Variants in CFAP77 observed in about 807,000 individuals in gnomAD.
CFAP77 encodes the protein cilia and flagella associated protein 77, also known as cilia- and flagella-associated protein 77.
Under a neutral mutation model 31.1 loss-of-function variants are expected in CFAP77, and 25 were observed. That is an observed-to-expected ratio of 0.80 (90% CI 0.59 to 1.12). The LOEUF is 1.12. Among genes scored for constraint, CFAP77 ranks in the 50% most tolerant of loss-of-function variants. The pLI, the probability that CFAP77 is intolerant of heterozygous loss-of-function variation, is 0.00. For missense variants in CFAP77, 377 were observed against 397.3 expected, an observed-to-expected ratio of 0.95 and a Z score of 0.44; for synonymous variants, 151 against 159.9, an observed-to-expected ratio of 0.94 and a Z score of 0.42.
chr9:132,534,732 G>A (rs1331781118), intron 3 of CFAP77, among the ~76,000 whole-genome samples: 1 of 152,060 alleles, frequency 6.6e-6, no homozygotes, highest in East Asian at 1.9e-4. Flanking sequence ...TGATTTTGTG[G>A]CCCAGCAACC....
intron 1 of CFAP77, among the ~76,000 whole-genome samples, chr9:132,425,089 C>T (rs1850290611): frequency 6.6e-6 from 1 of 152,208 alleles, no homozygotes; most frequent in Admixed American, 6.5e-5. Flanking sequence ...TGGCCTAACT[C>T]ATTACCCTGC....
At chr9:132,417,339 C>A (rs913596927) in intron 1 of CFAP77, among the ~76,000 whole-genome samples, 4 of 152,114 alleles carry the variant, frequency 2.6e-5, no homozygotes, top group Non-Finnish European at 5.9e-5. Flanking sequence ...GGTTTCAAAC[C>A]CCTGACCTCG....
At chr9:132,419,382 C>T (rs150468232) in intron 1 of CFAP77, among the ~76,000 whole-genome samples, 174 of 152,300 alleles carry the variant, frequency 1.1e-3, no homozygotes, top group African/African-American at 3.1e-3. Context: ...AATAGCACAG[C>T]GTCTAAGCTG....
At chr9:132,520,637 T>G (rs1474205156) in intron 3 of CFAP77, among the ~76,000 whole-genome samples, 2 of 152,182 alleles carry the variant, frequency 1.3e-5, no homozygotes, top group Non-Finnish European at 2.9e-5. Context: ...AATAAATAAA[T>G]TAATTAAAAG....
intron 3 of CFAP77, among the ~76,000 whole-genome samples, chr9:132,529,507 T>TAAAAAAAAAAAAAAAAA (rs750691279): frequency 3.7e-5 from 4 of 108,820 alleles, no homozygotes; most frequent in African/African-American, 1.3e-4. Context: ...TAGAGTATAA[T>TAAAAAAAAAAAAAAAAA]AAAAAAAAAA....
rs147142241 is a variant in CFAP77, at chr9:132,444,300, AG to A, written c.195+33837del. 9.2e-5 allele frequency among the ~76,000 whole-genome samples: 14 copies of A among 152,376 alleles called. No individual in the cohort carries two copies. The East Asian group carries it at 2.3e-3, about 25-fold the overall frequency. ...ACCTAGAGCCACCTGCGGCATTGCC[AG>A]GGAGACAAATGCCACATCTGGAAAG... On this transcript the variant is annotated intron_variant, in intron 1 of 5. Coordinates refer to ENST00000393216, the MANE Select transcript of CFAP77 (RefSeq NM_001282957.2).
At position 132,507,694 on chromosome 9, in the gene CFAP77, C is replaced by T. The variant is rs143906149; in HGVS notation, c.524+8094C>T. Among the ~76,000 whole-genome samples the T allele has an allele frequency of 1.3e-4, 20 of 152,294 alleles. No homozygotes were observed. The East Asian group carries it at 3.9e-3, about 29-fold the overall frequency. Reference sequence around the variant, plus strand: ...ATCCGATGGCCAAAAAAATCCAAGCCACCCACCCAAGCTCCTATAAAATAA... The same window carrying T: ...ATCCGATGGCCAAAAAAATCCAAGCTACCCACCCAAGCTCCTATAAAATAA... On this transcript the variant is annotated intron_variant, in intron 3 of 5. Coordinates refer to ENST00000393216, the MANE Select transcript of CFAP77 (RefSeq NM_001282957.2).
intron 1 of CFAP77, among the ~76,000 whole-genome samples, chr9:132,483,838 C>T (rs375348540): frequency 1.4e-4 from 21 of 152,272 alleles, no homozygotes; most frequent in African/African-American, 4.8e-4. Flanking sequence ...ACTTTGTCTG[C>T]ACGTCTTTCC....
chr9:132,538,904 G>A (rs1036101585), intron 4 of CFAP77, among the ~76,000 whole-genome samples: 3 of 151,976 alleles, frequency 2.0e-5, no homozygotes, highest in Non-Finnish European at 1.5e-5. Context: ...TGGCTAACAC[G>A]GTGAAACCCC....
chr9:132,474,409 G>C (rs1198506677), intron 1 of CFAP77, among the ~76,000 whole-genome samples: 1 of 152,202 alleles, frequency 6.6e-6, no homozygotes, highest in Admixed American at 6.5e-5. Context: ...TTCATCCCAG[G>C]AAGGAGCGTG....
chr9:132,568,097 T>C (rs1467458127), intron 5 of CFAP77, among the ~76,000 whole-genome samples: 1 of 152,122 alleles, frequency 6.6e-6, no homozygotes, highest in Non-Finnish European at 1.5e-5. Context: ...TGCAGAGCTA[T>C]ACTCCCCTAT....
chr9:132,414,420 T>C (rs1009129014), intron 1 of CFAP77, among the ~76,000 whole-genome samples: 13 of 151,622 alleles, frequency 8.6e-5, no homozygotes, highest in Non-Finnish European at 1.9e-4. Flanking sequence ...ACTGTGCAGA[T>C]AGAGATGAAT....
At chr9:132,540,944 G>T (rs142241797) in intron 4 of CFAP77, among the ~76,000 whole-genome samples, 74 of 152,274 alleles carry the variant, frequency 4.9e-4, no homozygotes, top group Middle Eastern at 3.4e-3. Context: ...CAGGCACTCA[G>T]AAAACACTTG....
intron 5 of CFAP77, among the ~76,000 whole-genome samples, chr9:132,561,333 C>G (rs1477252993): frequency 6.6e-6 from 1 of 150,810 alleles, no homozygotes; most frequent in Non-Finnish European, 1.5e-5. Context: ...TTTTTTAGCT[C>G]TTTGGCAGAT....
At chr9:132,434,767 C>T (rs1033981083) in intron 1 of CFAP77, among the ~76,000 whole-genome samples, 3 of 152,150 alleles carry the variant, frequency 2.0e-5, no homozygotes, top group Admixed American at 2.0e-4. Flanking sequence ...TGTAGGGGGG[C>T]AGAGGGATTG....
At chr9:132,449,824 C>T (rs1249007382) in intron 1 of CFAP77, among the ~76,000 whole-genome samples, 1 of 152,168 alleles carries the variant, frequency 6.6e-6, no homozygotes, top group East Asian at 1.9e-4. Flanking sequence ...AGTTGCTCCC[C>T]GTTCTCACCA....
chr9:132,450,546 C>A (rs901253339), intron 1 of CFAP77, among the ~76,000 whole-genome samples: 1 of 152,164 alleles, frequency 6.6e-6, no homozygotes, highest in East Asian at 1.9e-4. Context: ...TCCCTTTTCA[C>A]GGATGAGGAA....
At chr9:132,441,583 G>A (rs927316186) in intron 1 of CFAP77, among the ~76,000 whole-genome samples, 1 of 152,162 alleles carries the variant, frequency 6.6e-6, no homozygotes, top group South Asian at 2.1e-4. Context: ...TGGAGTGGAC[G>A]TATTTTCCTT....
chr9:132,489,380 C>G (rs1323636277), intron 1 of CFAP77, among the ~76,000 whole-genome samples: 1 of 152,088 alleles, frequency 6.6e-6, no homozygotes, highest in African/African-American at 2.4e-5. Flanking sequence ...GGGAGTTAAG[C>G]TCAGAGGTGT....
Sources: gnomAD v4.1 joint callset for allele counts (sites outside exome capture counted in the v4.1 genomes callset) on GRCh38, gnomAD v4.1.1 for gene constraint, MANE v1.5 for transcripts, NCBI Gene and HGNC (gene_info 2026-07-23, HGNC 2026-07-21) for gene names.